BTRC: variants seen among roughly 807,000 people sequenced by gnomAD.
BTRC encodes beta-transducin repeat containing E3 ubiquitin protein ligase.
BTRC carries 42 observed loss-of-function variants against 85.5 expected under a neutral mutation model. That is an observed-to-expected ratio of 0.49 (90% confidence interval 0.38 to 0.64). BTRC has a LOEUF of 0.64. Among genes scored for constraint, BTRC ranks in the 30% least tolerant of loss-of-function variants. The pLI, the probability that BTRC is intolerant of heterozygous loss-of-function variation, is 0.00. For synonymous variants in BTRC, 255 were observed against 263.3 expected (o/e 0.97, Z 0.30); for missense variants, 594 against 743.5 (o/e 0.80, Z 2.34).
intron 1 of BTRC, among the ~76,000 whole-genome samples, chr10:101,375,855 G>A (rs1170566766): frequency 6.6e-6 from 1 of 152,208 alleles, no homozygotes; most frequent in Non-Finnish European, 1.5e-5. Flanking sequence ...CATATCAGAT[G>A]TTTCTGATGC....
chr10:101,404,024 A>ATTTTTTTT (rs1343104334), intron 1 of BTRC, among the ~76,000 whole-genome samples: 5 of 24,072 alleles, frequency 2.1e-4, no homozygotes, highest in African/African-American at 6.3e-4. Flanking sequence ...ATATATATAT[A>ATTTTTTTT]TATATATTTT....
intron 6 of BTRC, among the ~76,000 whole-genome samples, chr10:101,530,454 G>A: frequency 6.6e-6 from 1 of 151,728 alleles, no homozygotes; most frequent in Admixed American, 6.6e-5. Context: ...CAGAGGCATT[G>A]CTGCTGTCTA....
chr10:101,526,997 TCTTTCTTTAA>T (rs1249039352), intron 6 of BTRC, among the ~76,000 whole-genome samples: 9 of 152,230 alleles, frequency 5.9e-5, no homozygotes. Context: ...CTGAAAGATA[TCTTTCTTTAA>T]ATACTTTTCT....
intron 1 of BTRC, among the ~76,000 whole-genome samples, chr10:101,369,967 C>G (rs955293925): frequency 1.3e-5 from 2 of 152,170 alleles, no homozygotes; most frequent in African/African-American, 4.8e-5. Context: ...GCTCCAAAAC[C>G]CCATGTCAGA....
At chr10:101,500,063 A>G (rs940608857) in intron 4 of BTRC, among the ~76,000 whole-genome samples, 6 of 150,758 alleles carry the variant, frequency 4.0e-5, no homozygotes, top group African/African-American at 1.5e-4. Flanking sequence ...TTTTATATCT[A>G]GTTGCAGACT....
intron 1 of BTRC, among the ~76,000 whole-genome samples, chr10:101,416,165 A>G (rs1013216944): frequency 6.6e-6 from 1 of 152,156 alleles, no homozygotes; most frequent in African/African-American, 2.4e-5. Flanking sequence ...AGGTTCATCC[A>G]TGTTGCAGCA....
At chr10:101,420,448 C>T (rs552471649) in intron 1 of BTRC, among the ~76,000 whole-genome samples, 6 of 151,540 alleles carry the variant, frequency 4.0e-5, no homozygotes, top group Admixed American at 1.3e-4. Flanking sequence ...TGGACCACTG[C>T]CTCTCCCTCT....
At chr10:101,428,736 G>A (rs1254578425) in intron 1 of BTRC, among the ~76,000 whole-genome samples, 2 of 152,174 alleles carry the variant, frequency 1.3e-5, no homozygotes, top group Admixed American at 6.5e-5. Context: ...TGTATTAAGC[G>A]TAGTCCTATG....
At chr10:101,498,268 C>T (rs1274709001) in intron 4 of BTRC, among the ~76,000 whole-genome samples, 1 of 151,972 alleles carries the variant, frequency 6.6e-6, no homozygotes, top group African/African-American at 2.4e-5. Context: ...ATTCCCCTGC[C>T]TCAGCCTCCC....
In BTRC at chr10:101,556,242, A is replaced by T. The variant is rs889095552; in HGVS notation, c.*3119A>T. The T allele has an allele frequency of 6.6e-6, 1 of 152,154 alleles. No individual in the cohort carries two copies. The highest frequency in any genetic ancestry group is 1.5e-5 in the Non-Finnish European group (1 of 68,038). The allele number at this position is 152,154 out of a possible 1,614,324, so 9.4% of individuals were successfully genotyped here. A position where few individuals can be genotyped will look rare whatever the true frequency, so the allele number is the denominator to read the frequency against. Reference sequence around the variant, plus strand: ...TTTTTCTTCTGTACAGTCTAAAGCTACAGAGAAAAAAAAATGCACTCTTCC... The same window carrying T: ...TTTTTCTTCTGTACAGTCTAAAGCTTCAGAGAAAAAAAAATGCACTCTTCC... On this transcript the variant is annotated 3_prime_UTR_variant, in exon 15 of 15. Transcript: ENST00000370187.
intron 4 of BTRC, among the ~76,000 whole-genome samples, chr10:101,489,987 C>G (rs1475746254): frequency 2.0e-5 from 3 of 152,156 alleles, no homozygotes; most frequent in Non-Finnish European, 4.4e-5. Context: ...GAGAAATTTT[C>G]ATTAGTCTAG....
chr10:101,467,489 T>C (rs571248585), intron 3 of BTRC, among the ~76,000 whole-genome samples: 1 of 152,272 alleles, frequency 6.6e-6, no homozygotes, highest in Non-Finnish European at 1.5e-5. Flanking sequence ...CTTCTCCCTC[T>C]AGTGGCAATA....
chr10:101,490,916 G>A (rs1946113101), intron 4 of BTRC, among the ~76,000 whole-genome samples: 1 of 152,036 alleles, frequency 6.6e-6, no homozygotes, highest in Non-Finnish European at 1.5e-5. Context: ...AAAATTAGGT[G>A]GATGTGGTGG....
intron 1 of BTRC, chr10:101,354,483 G>A: frequency 4.0e-6 from 2 of 499,998 alleles, no homozygotes; most frequent in South Asian, 2.9e-5. Context: ...TCGAGGAGGG[G>A]GCTCCAGGCG....
chr10:101,531,113 G>T, intron 6 of BTRC, 124 bp from the exon 7 acceptor site: 1 of 706,796 alleles, frequency 1.4e-6, no homozygotes, highest in East Asian at 3.2e-5. Context: ...GGAGGTTGCA[G>T]TGAGCCAACA....
At chr10:101,495,485 C>T (rs1165157188) in intron 4 of BTRC, among the ~76,000 whole-genome samples, 1 of 152,190 alleles carries the variant, frequency 6.6e-6, no homozygotes, top group African/African-American at 2.4e-5. Flanking sequence ...ACTGTGTCAG[C>T]TCTGTAAGGG....
intron 12 of BTRC, 74 bp downstream of exon 12, chr10:101,536,727 A>C (rs1024170852): frequency 5.5e-6 from 6 of 1,098,382 alleles, no homozygotes; most frequent in Non-Finnish European, 8.0e-6. Context: ...GGTGTTAAAC[A>C]TAACCATTCC....
At chr10:101,376,063 C>T (rs546550977) in intron 1 of BTRC, among the ~76,000 whole-genome samples, 3 of 152,268 alleles carry the variant, frequency 2.0e-5, no homozygotes, top group East Asian at 3.9e-4. Flanking sequence ...CAGTGGCTCA[C>T]GCCTGTAATC....
chr10:101,441,078 G>A (rs1397293830), intron 2 of BTRC, among the ~76,000 whole-genome samples: 1 of 152,028 alleles, frequency 6.6e-6, no homozygotes, highest in African/African-American at 2.4e-5. Context: ...ACTCAGTGGG[G>A]GAGTTTTCAA....
Sources: allele counts gnomAD v4.1 joint callset (sites outside exome capture counted in the v4.1 genomes callset), GRCh38; gene constraint gnomAD v4.1.1; transcripts MANE v1.5; gene names NCBI Gene and HGNC (gene_info 2026-07-23, HGNC 2026-07-21).